BCL2L13: variants seen among roughly 807,000 people sequenced by gnomAD.
BCL2L13 encodes BCL2 like 13.
In BCL2L13, 13 loss-of-function variants were observed where a neutral mutation model predicts 25.8. The observed-to-expected ratio is 0.50, with a 90% confidence interval of 0.33 to 0.80. The LOEUF (loss-of-function observed/expected upper bound fraction) is 0.80, where lower values mean the gene tolerates loss of function less well. Ranked by LOEUF, BCL2L13 falls within the 30% of genes least tolerant of loss-of-function variation. The probability of loss-of-function intolerance (pLI) is 0.02; values close to 1 mark genes in which losing one functional copy is unlikely to be tolerated. For missense variants in BCL2L13, 504 were observed against 574.9 expected (o/e 0.88, Z 1.26); for synonymous variants, 244 against 230.3 (o/e 1.06, Z -0.54).
At chr22:17,685,924 C>G (rs1366839955) in intron 3 of BCL2L13, among the ~76,000 whole-genome samples, 1 of 151,172 alleles carries the variant, frequency 6.6e-6, no homozygotes, top group South Asian at 2.1e-4. Flanking sequence ...GTGCCCACCA[C>G]CACACCCAGC....
chr22:17,697,078 CTT>C (rs935375365), intron 5 of BCL2L13, among the ~76,000 whole-genome samples: 46 of 151,824 alleles, frequency 3.0e-4, no homozygotes, highest in African/African-American at 1.0e-3. Context: ...CATAACCAAA[CTT>C]GTTTCAGATT....
upstream of BCL2L13, chr22:17,638,122 AAAGAAC>A (rs1361800973): frequency 6.6e-6 from 1 of 152,234 alleles, no homozygotes; most frequent in East Asian, 1.9e-4. Context: ...ATACTCCTCC[AAAGAAC>A]TCTCGGATTC....
At chr22:17,653,975 A>G (rs919814259) in intron 1 of BCL2L13, among the ~76,000 whole-genome samples, 11 of 151,970 alleles carry the variant, frequency 7.2e-5, no homozygotes, top group Admixed American at 1.3e-4. Context: ...TTGGTTTCCT[A>G]TGAAAACTCC....
chr22:17,642,129 C>CTT (rs35772364), intron 1 of BCL2L13, among the ~76,000 whole-genome samples: 53 of 67,646 alleles, frequency 7.8e-4, no homozygotes, highest in South Asian at 1.1e-3. Context: ...TGGCTTCTCT[C>CTT]TTTTTTTTTT....
chr22:17,705,458 C>G (rs1007603849), intron 6 of BCL2L13, among the ~76,000 whole-genome samples: 5 of 151,742 alleles, frequency 3.3e-5, no homozygotes, highest in Non-Finnish European at 5.9e-5. Flanking sequence ...CCACCACACC[C>G]GGCTAATTTT....
intron 2 of BCL2L13, among the ~76,000 whole-genome samples, chr22:17,665,382 C>G (rs901139912): frequency 1.3e-5 from 2 of 152,162 alleles, no homozygotes; most frequent in Non-Finnish European, 2.9e-5. Flanking sequence ...CTAGGAAGTT[C>G]CAGACTCTCC....
rs34181282 is a variant in BCL2L13 at position 17,630,586 on chromosome 22, C to CTTT, written c.-650+1583_-650+1585dup. On this transcript the variant is annotated intron_variant, in intron 1 of 6. Coordinates refer to the BCL2L13 transcript ENST00000399782. ...AGCCACTGCACCCGGCCTTCTTTTT[C>CTTT]TTTTCTTTTTTTTTTTTTTTTTGAG... is the stretch of plus-strand genomic sequence containing the variant. Among the ~76,000 whole-genome samples the CTTT allele has an allele frequency of 6.3e-5, 8 of 126,258 alleles. 2 individuals carry two copies. The highest frequency in any genetic ancestry group is 8.0e-5 in the Non-Finnish European group (5 of 62,858). The allele number at this position is 126,258 out of a possible 152,430, so 82.8% of individuals were successfully genotyped here. A position where few individuals can be genotyped will look rare whatever the true frequency, so the allele number is the denominator to read the frequency against.
chr22:17,651,272 A>G (rs2058675538), intron 1 of BCL2L13, among the ~76,000 whole-genome samples: 1 of 152,018 alleles, frequency 6.6e-6, no homozygotes, highest in Non-Finnish European at 1.5e-5. Context: ...TGCTAGGATT[A>G]TAGGCGTGAG....
In BCL2L13 at chr22:17,719,837, A is replaced by AC. The variant is rs2061056404; in HGVS notation, c.601-6840_601-6839insC. Among the ~76,000 whole-genome samples, 4 of 65,240 alleles carry AC rather than the reference A, an allele frequency of 6.1e-5. No individual in the cohort carries two copies. In the East Asian group the frequency reaches 7.9e-4, roughly 13 times the overall value. 42.8% of individuals were successfully genotyped at this position (65,240 alleles called of 152,430 possible). On this transcript the variant is annotated intron_variant, in intron 6 of 6. Coordinates refer to ENST00000317582, the MANE Select transcript of BCL2L13 (RefSeq NM_015367.4). The stretch of plus-strand genomic sequence containing the variant: ...AGTGAGACTCCATCTCAAAAAAAAA[A>AC]AAAAAAAAAAAAAGAATGAAGTATG...
rs1395956933 is a variant in BCL2L13, at chr22:17,730,496, C to T, written c.*2962C>T. The T allele has an allele frequency of 6.6e-6, 1 of 152,160 alleles. No homozygotes were observed. Among genetic ancestry groups the T allele is most frequent in the Non-Finnish European group, 1.5e-5 (1 of 68,020 alleles). The allele number at this position is 152,160 out of a possible 1,614,324, so 9.4% of individuals were successfully genotyped here. On this transcript the variant is annotated 3_prime_UTR_variant, in exon 7 of 7. Coordinates refer to ENST00000317582, the MANE Select transcript of BCL2L13 (RefSeq NM_015367.4). ...TCCTCAGGCTTTGCGCTGATTCCCT[C>T]AATAATATGACAGTAAGGCAAGTAG...
intron 1 of BCL2L13, among the ~76,000 whole-genome samples, chr22:17,631,690 A>ATATATATT (rs2058026384): frequency 1.9e-5 from 1 of 53,862 alleles, no homozygotes; most frequent in African/African-American, 6.7e-5. Flanking sequence ...ATATATATAT[A>ATATATATT]TATATATATA....
upstream of BCL2L13, among the ~76,000 whole-genome samples, chr22:17,634,016 C>T (rs1179926860): frequency 6.6e-6 from 1 of 151,930 alleles, no homozygotes; most frequent in Non-Finnish European, 1.5e-5. Flanking sequence ...TTGAAAACAT[C>T]TATTTTTCTG....
At position 17,727,376 on chromosome 22, in the gene BCL2L13, G is replaced by A. The variant is rs61740640; in HGVS notation, c.1300G>A (p.Val434Met). Reference sequence around the variant, plus strand: ...GTCCCCTGCCAGCGAGAAGAAGCCCGTGCCGCCGTCTGAGGGCAAGTCTAG... The same window carrying A: ...GTCCCCTGCCAGCGAGAAGAAGCCCATGCCGCCGTCTGAGGGCAAGTCTAG... ...ELSPASEKKPVPPSEGKSRLS... is the reference protein window; with the variant it reads ...ELSPASEKKPMPPSEGKSRLS... The change falls in exon 7 of 7, where the codon GTG (valine) becomes ATG (methionine). Residue 434 changes from valine to methionine, a missense_variant. Transcript: ENST00000317582. 7.6e-5 allele frequency: 123 copies of A among 1,614,102 alleles called. No individual in the cohort carries two copies. The highest frequency in any genetic ancestry group is 2.4e-4 in the East Asian group (11 of 44,900).
chr22:17,684,193 C>T (rs1353374717), intron 3 of BCL2L13, among the ~76,000 whole-genome samples: 2 of 152,076 alleles, frequency 1.3e-5, no homozygotes, highest in African/African-American at 2.4e-5. Flanking sequence ...AGTCTGGGCA[C>T]AGGGACTCAT....
intron 2 of BCL2L13, among the ~76,000 whole-genome samples, chr22:17,682,579 A>G (rs1166270211): frequency 1.3e-5 from 2 of 152,164 alleles, no homozygotes; most frequent in Non-Finnish European, 2.9e-5. Flanking sequence ...GTCTACAAAA[A>G]GAGAGGACTG....
chr22:17,700,908 T>C (rs145265696), intron 5 of BCL2L13, among the ~76,000 whole-genome samples: 229 of 152,360 alleles, frequency 1.5e-3, no homozygotes, highest in African/African-American at 5.3e-3. Context: ...TCATTGTTTT[T>C]TGTTTGTCCT....
chr22:17,704,450 C>T (rs9617611), intron 6 of BCL2L13, among the ~76,000 whole-genome samples: 19,127 of 151,922 alleles, frequency 0.13, 1,542 homozygotes, highest in African/African-American at 0.21. Flanking sequence ...TCACATTGTT[C>T]GGTCTAAGCT....
intron 2 of BCL2L13, among the ~76,000 whole-genome samples, chr22:17,668,726 A>G (rs2059318498): frequency 1.3e-5 from 2 of 151,936 alleles, no homozygotes; most frequent in South Asian, 4.2e-4. Flanking sequence ...TGGCCTCCCA[A>G]AGTGCTGGGA....
At chr22:17,666,082 C>G (rs1389365666) in intron 2 of BCL2L13, among the ~76,000 whole-genome samples, 8 of 152,116 alleles carry the variant, frequency 5.3e-5, no homozygotes, top group Non-Finnish European at 1.0e-4. Flanking sequence ...TGCTTCCTGC[C>G]AACAATATGT....
Sources: allele counts gnomAD v4.1 joint callset (sites outside exome capture counted in the v4.1 genomes callset), GRCh38; gene constraint gnomAD v4.1.1; transcripts MANE v1.5; gene names NCBI Gene and HGNC (gene_info 2026-07-23, HGNC 2026-07-21).